The following RBM25 variants were observed in gnomAD, a reference collection of about 807,000 sequenced individuals.
RBM25 encodes RNA-binding protein 25.
In RBM25, 19 loss-of-function variants were observed where a neutral mutation model predicts 120.7. That is an observed-to-expected ratio of 0.16 (90% CI 0.11 to 0.23). The LOEUF (loss-of-function observed/expected upper bound fraction) is 0.23. RBM25 is among the 10% of genes least tolerant of loss of function. The pLI, the probability that RBM25 is intolerant of heterozygous loss-of-function variation, is 1.00. For synonymous variants in RBM25, 390 were observed against 326.7 expected (o/e 1.19, Z -2.09); for missense variants, 605 against 1,041.5 (o/e 0.58, Z 5.77).
At chr14:73,091,543 G>C (rs1895813516) in intron 6 of RBM25, among the ~76,000 whole-genome samples, 1 of 152,040 alleles carries the variant, frequency 6.6e-6, no homozygotes. Flanking sequence ...ACATTAGCCA[G>C]AGTAACCACA....
chr14:73,100,182 G>A, intron 9 of RBM25: 1 of 534,952 alleles, frequency 1.9e-6, no homozygotes, highest in Non-Finnish European at 3.4e-6. Flanking sequence ...TTTAAGTTGA[G>A]TGGGGGAGAT....
chr14:73,103,155 CAG>C lies in RBM25; in HGVS notation c.868-34_868-33del, dbSNP rs750353074. ...GGGAAAAATCTGAATACTGGAGCTA[CAG>C]AGTTAACTCTAAAAGTGCTTTTATT... On this transcript the variant is annotated intron_variant, in intron 9 of 18. Transcript: ENST00000261973. 35 of 1,585,096 alleles carry C rather than the reference CAG, an allele frequency of 2.2e-5. No individual in the cohort carries two copies. In the South Asian group the frequency reaches 3.9e-4, roughly 18 times the overall value.
At chr14:73,082,263 TTCTG>T (rs766030283) in intron 4 of RBM25, among the ~76,000 whole-genome samples, 9 of 152,254 alleles carry the variant, frequency 5.9e-5, no homozygotes, top group East Asian at 3.9e-4. Flanking sequence ...ACCCTCCTCC[TTCTG>T]TCTTTTTTTT....
chr14:73,111,115 T>C lies in RBM25; in HGVS notation c.1977T>C (p.Pro659=). 2.5e-6 allele frequency: 4 copies of C among 1,614,080 alleles called. No homozygotes were observed. The highest frequency in any genetic ancestry group is 3.4e-6 in the Non-Finnish European group (4 of 1,179,964). ...PHENSPDQQQ[P]EEHRPKIGLS... Reference sequence around the variant, plus strand: ...AAAACTCACCAGATCAACAGCAACCTGAGGAGCATAGGCCAAAAATAGGAC... The same window carrying C: ...AAAACTCACCAGATCAACAGCAACCCGAGGAGCATAGGCCAAAAATAGGAC... Residue 659 remains proline (P), a synonymous_variant, in exon 15 of 19, where the codon CCT becomes CCC. Coordinates refer to ENST00000261973, the MANE Select transcript of RBM25 (RefSeq NM_021239.3).
At chr14:73,106,985 G>A (rs953378928) in intron 12 of RBM25, among the ~76,000 whole-genome samples, 12 of 151,910 alleles carry the variant, frequency 7.9e-5, no homozygotes, top group South Asian at 6.2e-4. Context: ...GATTACAGGC[G>A]TGTGCCACAA....
chr14:73,081,562 C>CT (rs2140435514), intron 4 of RBM25, among the ~76,000 whole-genome samples: 1 of 152,206 alleles, frequency 6.6e-6, no homozygotes, highest in Non-Finnish European at 1.5e-5. Flanking sequence ...GGTTTGGATC[C>CT]TATATCTTGC....
intron 1 of RBM25, among the ~76,000 whole-genome samples, chr14:73,069,114 G>T (rs1364471775): frequency 3.3e-5 from 5 of 152,088 alleles, no homozygotes; most frequent in African/African-American, 9.7e-5. Context: ...ATGTTGGCCA[G>T]GCTGGTCTAG....
At chr14:73,062,622 G>GA (rs1288006117) in intron 1 of RBM25, among the ~76,000 whole-genome samples, 1 of 151,412 alleles carries the variant, frequency 6.6e-6, no homozygotes, top group African/African-American at 2.4e-5. Context: ...AGAAAAAAGT[G>GA]AAAAAAGAAA....
chr14:73,069,746 TAAAAAAAAAAAAAAAAAAAAA>T (rs57669015), intron 1 of RBM25: 2 of 44,154 alleles, frequency 4.5e-5, no homozygotes, highest in African/African-American at 8.1e-5. Flanking sequence ...CCCTGTTTCT[TAAAAAAAAAAAAAAAAAAAAA>T]AAAAAAAAAA....
At chr14:73,086,090 C>T (rs1895678680) in intron 5 of RBM25, among the ~76,000 whole-genome samples, 1 of 151,852 alleles carries the variant, frequency 6.6e-6, no homozygotes, top group African/African-American at 2.4e-5. Context: ...GACTTAGAAT[C>T]AGCCATTTCT....
rs2083415508 is a variant in RBM25, at chr14:73,096,936, A to G, written c.565A>G (p.Thr189Ala). 1.9e-6 allele frequency: 3 copies of G among 1,612,640 alleles called. No individual in the cohort carries two copies. Among genetic ancestry groups the G allele is most frequent in the South Asian group, 1.1e-5 (1 of 90,548 alleles). ...TAAGAATGCAAGGCCAGAAACTGTCACTAATGACGATGAAGAAGCCTTGGA... is the reference window on the plus strand; with the variant it reads ...TAAGAATGCAAGGCCAGAAACTGTCGCTAATGACGATGAAGAAGCCTTGGA... The part of the protein sequence containing the change: ...SNGNARPETV[T>A]NDDEEALDEE... Residue 189 changes from threonine to alanine, a missense_variant, in exon 7 of 19, where the codon ACT becomes GCT. By Grantham distance (58) the Thr-to-Ala change is moderately conservative. This residue lies in a region of RBM25 where 465 missense variants were observed against 741.6 expected (regional missense o/e 0.63). Transcript: ENST00000261973.
At chr14:73,105,127 T>C (rs1392040841) in intron 10 of RBM25, among the ~76,000 whole-genome samples, 2 of 17,512 alleles carry the variant, frequency 1.1e-4, no homozygotes, top group African/African-American at 2.7e-4. Flanking sequence ...GTTTTATTAC[T>C]TTTTTTTTTT....
chr14:73,103,126 C>T (rs1029415464), intron 9 of RBM25, 66 bp from the exon 10 acceptor site: 136 of 1,549,262 alleles, frequency 8.8e-5, no homozygotes, highest in East Asian at 1.3e-4. Flanking sequence ...CTGGGCTTTG[C>T]GCCGGGAAAA....
At chr14:73,100,124 C>T (rs1395120700) in intron 9 of RBM25, 3 of 467,384 alleles carry the variant, frequency 6.4e-6, no homozygotes, top group East Asian at 6.5e-5. Flanking sequence ...TTAGGAATAC[C>T]TTTTCTTTAG....
At chr14:73,101,012 A>G (rs1444177149) in intron 9 of RBM25, 1 of 152,126 alleles carries the variant, frequency 6.6e-6, no homozygotes, top group African/African-American at 2.4e-5. Context: ...CTGTCATGTT[A>G]TTGGTAAATT....
In RBM25 at chr14:73,122,950, G is replaced by C. The variant is rs1257133807; in HGVS notation, c.*3145G>C. 6.6e-6 allele frequency: 1 copy of C among 152,124 alleles called. No individual in the cohort carries two copies. The highest frequency in any genetic ancestry group is 2.4e-5 in the African/African-American group (1 of 41,420). 9.4% of individuals were successfully genotyped at this position (152,124 alleles called of 1,614,324 possible). On this transcript the variant is annotated 3_prime_UTR_variant, in exon 19 of 19. Coordinates refer to ENST00000261973, the MANE Select transcript of RBM25 (RefSeq NM_021239.3). Reference sequence around the variant, plus strand: ...TTTTCCTTTAAGTAGATTTTAAAGAGAAAAACATTTTTTGAGGCAAATACA... The same window carrying C: ...TTTTCCTTTAAGTAGATTTTAAAGACAAAAACATTTTTTGAGGCAAATACA...
intron 10 of RBM25, among the ~76,000 whole-genome samples, chr14:73,105,124 T>G (rs1896154139): frequency 8.1e-6 from 1 of 124,048 alleles, no homozygotes; most frequent in Middle Eastern, 4.3e-3. Flanking sequence ...TTGGTTTTAT[T>G]ACTTTTTTTT....
At chr14:73,103,815 A>G (rs188533141) in intron 10 of RBM25, among the ~76,000 whole-genome samples, 104 of 151,772 alleles carry the variant, frequency 6.9e-4, no homozygotes, top group Admixed American at 9.2e-4. Flanking sequence ...CAGCCTCCCT[A>G]AGTGCTGGGA....
At chr14:73,091,306 A>G (rs1895808588) in intron 6 of RBM25, among the ~76,000 whole-genome samples, 1 of 152,098 alleles carries the variant, frequency 6.6e-6, no homozygotes, top group South Asian at 2.1e-4. Context: ...TGCTCACTGC[A>G]ACCTCCTATT....
Sources: allele counts gnomAD v4.1 joint callset (sites outside exome capture counted in the v4.1 genomes callset), GRCh38; gene constraint gnomAD v4.1.1; regional missense constraint gnomAD v4.1.1; transcripts MANE v1.5; gene names NCBI Gene and HGNC (gene_info 2026-07-23, HGNC 2026-07-21).